Variants in RBFOX3 observed in about 807,000 individuals in gnomAD.
RBFOX3 encodes RNA binding protein fox-1 homolog 3.
RBFOX3 carries 17 observed loss-of-function variants against 48.7 expected under a neutral mutation model. The observed-to-expected ratio is 0.35, with a 90% confidence interval of 0.24 to 0.52. RBFOX3 has a LOEUF of 0.52. Ranked by LOEUF, RBFOX3 falls within the 20% of genes least tolerant of loss-of-function variation. The pLI is 0.94. For missense variants in RBFOX3, 382 were observed against 497.5 expected, an observed-to-expected ratio of 0.77 and a Z score of 2.21; for synonymous variants, 212 against 209.5, an observed-to-expected ratio of 1.01 and a Z score of -0.10.
intron 4 of RBFOX3, among the ~76,000 whole-genome samples, chr17:79,203,688 A>G (rs897688793): frequency 6.6e-6 from 1 of 152,016 alleles, no homozygotes; most frequent in African/African-American, 2.4e-5. Context: ...AGAAGCTTTG[A>G]AAAAGGAAAA....
chr17:79,324,403 G>A (rs1412649332), intron 2 of RBFOX3, among the ~76,000 whole-genome samples: 1 of 152,236 alleles, frequency 6.6e-6, no homozygotes, highest in Non-Finnish European at 1.5e-5. Context: ...GCAGACCCCA[G>A]GGGCTCAGGA....
At chr17:79,336,500 C>T (rs1958513191) in intron 2 of RBFOX3, among the ~76,000 whole-genome samples, 1 of 152,234 alleles carries the variant, frequency 6.6e-6, no homozygotes, top group African/African-American at 2.4e-5. Flanking sequence ...CCCTGTCCAG[C>T]AGCGCATGGA....
intron 4 of RBFOX3, among the ~76,000 whole-genome samples, chr17:79,149,263 T>G (rs1025978829): frequency 6.6e-6 from 1 of 152,102 alleles, no homozygotes. Context: ...TGGGGCTTAG[T>G]AGAGCGTGGG....
chr17:79,251,213 G>A (rs1600227397), intron 3 of RBFOX3, among the ~76,000 whole-genome samples: 1 of 151,870 alleles, frequency 6.6e-6, no homozygotes, highest in Non-Finnish European at 1.5e-5. Context: ...GGCTCTATCC[G>A]CCACCCACCA....
In RBFOX3 at chr17:79,243,846, G is replaced by A. The variant is rs2062751718; in HGVS notation, c.-73-8041C>T. 6.6e-6 allele frequency among the ~76,000 whole-genome samples: 1 copy of A among 152,114 alleles called. No homozygotes were observed. The highest frequency in any genetic ancestry group is 2.4e-5 in the African/African-American group (1 of 41,432). ...AGACAAGAAGGCGCAATGCCACCAA[G>A]CAGATGGCAGTGGAGGAGACAGAGA... On this transcript the variant is annotated intron_variant, in intron 3 of 14. Coordinates refer to ENST00000693108, the MANE Select transcript of RBFOX3 (RefSeq NM_001350451.2). This position sits in a 1 kb window ranked among gnomAD's most constrained non-coding sequence, Gnocchi z 7.9.
intron 3 of RBFOX3, among the ~76,000 whole-genome samples, chr17:79,303,943 A>G (rs566651905): frequency 6.6e-6 from 1 of 152,036 alleles, no homozygotes; most frequent in Non-Finnish European, 1.5e-5. Flanking sequence ...GAGGGAAGGA[A>G]CATGAAGCCA....
Position 79,284,529 on chromosome 17 carries a change from G to C in RBFOX3, c.-74+23195C>G, listed in dbSNP as rs114152765. On this transcript the variant is annotated intron_variant, in intron 3 of 14. Coordinates refer to ENST00000693108, the MANE Select transcript of RBFOX3 (RefSeq NM_001350451.2). ...AAGGAGATGGCTGGAAGCAGGCTTG[G>C]GGGAAGAGACTCGCTTTTTTTTTTT... 9.5e-3 allele frequency among the ~76,000 whole-genome samples: 1,368 copies of C among 144,070 alleles called. 18 individuals carry two copies. Among genetic ancestry groups the C allele is most frequent in the African/African-American group, 0.033 (1,286 of 38,924 alleles). The allele number at this position is 144,070 out of a possible 152,430, so 94.5% of individuals were successfully genotyped here.
intron 3 of RBFOX3, among the ~76,000 whole-genome samples, chr17:79,307,165 G>A (rs1385854685): frequency 2.0e-5 from 3 of 152,232 alleles, no homozygotes; most frequent in Non-Finnish European, 2.9e-5. Flanking sequence ...GGCGCGGAAG[G>A]AGGGCCTCGC....
upstream of RBFOX3, among the ~76,000 whole-genome samples, chr17:79,611,130 T>TTCTCTCTCTCTCTCTCTCTCTC (rs1173570495): frequency 1.0e-3 from 38 of 37,812 alleles, 7 homozygotes; most frequent in African/African-American, 5.9e-3. Flanking sequence ...TCCGCCCTCC[T>TTCTCTCTCTCTCTCTCTCTCTC]TCTCTCTCTC....
At chr17:79,247,591 A>G (rs2063352262) in intron 3 of RBFOX3, among the ~76,000 whole-genome samples, 1 of 152,098 alleles carries the variant, frequency 6.6e-6, no homozygotes, top group South Asian at 2.1e-4. Context: ...GGATTACAGG[A>G]GTGAGCCACC....
At chr17:79,607,255 T>G (rs1427365940) in intron 1 of RBFOX3, among the ~76,000 whole-genome samples, 1 of 152,098 alleles carries the variant, frequency 6.6e-6, no homozygotes, top group Non-Finnish European at 1.5e-5. Flanking sequence ...TTCTTCCCCT[T>G]CACTTGTTTA....
At chr17:79,201,288 G>A (rs192946903) in intron 4 of RBFOX3, among the ~76,000 whole-genome samples, 1 of 152,272 alleles carries the variant, frequency 6.6e-6, no homozygotes, top group Admixed American at 6.5e-5. Flanking sequence ...TGGGCTGAGA[G>A]AGGGAATTCT....
intron 3 of RBFOX3, among the ~76,000 whole-genome samples, chr17:79,274,294 A>G (rs978516622): frequency 3.9e-5 from 6 of 152,180 alleles, no homozygotes; most frequent in African/African-American, 1.4e-4. Context: ...CAGGAGCTTC[A>G]GGACCTTGCT....
At chr17:79,315,970 G>C (rs182957648) in intron 2 of RBFOX3, among the ~76,000 whole-genome samples, 1 of 152,296 alleles carries the variant, frequency 6.6e-6, no homozygotes, top group East Asian at 1.9e-4. Context: ...AGCAGCTCTG[G>C]GAGGGGTCTT....
Position 79,220,218 on chromosome 17 carries a change from A to G in RBFOX3, c.-34+15548T>C, listed in dbSNP as rs898521. Among the ~76,000 whole-genome samples the G allele has an allele frequency of 1, 151,751 of 152,306 alleles. 75,599 individuals are homozygous for G. Among genetic ancestry groups the G allele is most frequent in the Middle Eastern group, 1 (294 of 294 alleles). ...CATCATTTCGGAACCGCGGCTCCAC[A>G]GCAGGCTCCCGGGGAGGAGGGGAGG... is the stretch of plus-strand genomic sequence containing the variant. On this transcript the variant is annotated intron_variant, in intron 4 of 14. Transcript: ENST00000693108. This position sits in a 1 kb window ranked among gnomAD's most constrained non-coding sequence, Gnocchi z 5.9.
At chr17:79,306,130 A>C (rs2076056881) in intron 3 of RBFOX3, among the ~76,000 whole-genome samples, 1 of 152,246 alleles carries the variant, frequency 6.6e-6, no homozygotes, top group Non-Finnish European at 1.5e-5. Context: ...TCCTGACCCG[A>C]GGCCTGCAGG....
In RBFOX3 at chr17:79,103,480, C is replaced by G. The variant is rs1275045738; in HGVS notation, c.415-226G>C. On this transcript the variant is annotated intron_variant, in intron 7 of 14. Transcript: ENST00000693108. This position sits in a 1 kb window ranked among gnomAD's most constrained non-coding sequence, Gnocchi z 6.1. ...GGTATGGGCCCCAGGGGGGCAGCTGCTGACCCAGCCTGAGCCCAGCCTGAG... is the reference window on the plus strand; with the variant it reads ...GGTATGGGCCCCAGGGGGGCAGCTGGTGACCCAGCCTGAGCCCAGCCTGAG... 6.6e-6 allele frequency among the ~76,000 whole-genome samples: 1 copy of G among 152,124 alleles called. No individual in the cohort carries two copies. The highest frequency in any genetic ancestry group is 1.5e-5 in the Non-Finnish European group (1 of 67,998).
At chr17:79,117,772 G>A (rs964361221) in intron 4 of RBFOX3, among the ~76,000 whole-genome samples, 1 of 152,330 alleles carries the variant, frequency 6.6e-6, no homozygotes, top group African/African-American at 2.4e-5. Context: ...CCATGCCAGG[G>A]CAGGGGCTGT....
intron 2 of RBFOX3, among the ~76,000 whole-genome samples, chr17:79,430,997 T>C (rs781833373): frequency 2.0e-5 from 3 of 152,240 alleles, no homozygotes; most frequent in Non-Finnish European, 2.9e-5. Flanking sequence ...GTGCCGAAGA[T>C]TGGAAATTCA....
Sources: gnomAD v4.1 joint callset for allele counts (sites outside exome capture counted in the v4.1 genomes callset) on GRCh38, gnomAD v4.1.1 for gene constraint, Gnocchi (gnomAD v3.1) non-coding constraint, MANE v1.5 for transcripts, NCBI Gene and HGNC (gene_info 2026-07-23, HGNC 2026-07-21) for gene names.